LAMA2: variants seen among roughly 807,000 people sequenced by gnomAD.
The protein encoded by LAMA2 is laminin subunit alpha-2.
LAMA2 carries 269 observed loss-of-function variants against 364.8 expected under a neutral mutation model. That is an observed-to-expected ratio of 0.74 (90% CI 0.67 to 0.82). The LOEUF (loss-of-function observed/expected upper bound fraction) is 0.82. Among genes scored for constraint, LAMA2 ranks in the 40% least tolerant of loss-of-function variants. The probability of loss-of-function intolerance (pLI) is 0.00; values close to 1 mark genes in which losing one functional copy is unlikely to be tolerated. For missense variants in LAMA2, 3,807 were observed against 3,873.2 expected, an observed-to-expected ratio of 0.98 and a Z score of 0.45; for synonymous variants, 1,379 against 1,370.6, an observed-to-expected ratio of 1.01 and a Z score of -0.14.
At chr6:129,356,596 C>A (rs1414449598) in intron 32 of LAMA2, among the ~76,000 whole-genome samples, 5 of 152,036 alleles carry the variant, frequency 3.3e-5, no homozygotes, top group Admixed American at 2.6e-4. Flanking sequence ...TCTTACAAAT[C>A]TTATTTTCTT....
At chr6:129,340,336 T>C (rs1401255176) in intron 29 of LAMA2, among the ~76,000 whole-genome samples, 1 of 151,860 alleles carries the variant, frequency 6.6e-6, no homozygotes, top group Non-Finnish European at 1.5e-5. Flanking sequence ...CAATTTCAAA[T>C]ATTAATGAGA....
chr6:128,973,535 A>G (rs1442607092), intron 1 of LAMA2, among the ~76,000 whole-genome samples: 2 of 152,200 alleles, frequency 1.3e-5, no homozygotes, highest in East Asian at 1.9e-4. Flanking sequence ...TTGAAACTAT[A>G]ACAGTATTTT....
rs754399459 is a variant in LAMA2 at position 128,883,354 on chromosome 6, A to G, written c.109A>G (p.Arg37Gly). 1 of 1,595,196 alleles carries G rather than the reference A, an allele frequency of 6.3e-7. No individual in the cohort carries two copies. Among genetic ancestry groups the G allele is most frequent in the South Asian group, 1.1e-5 (1 of 87,986 alleles). ...GCGGCAGTCACAGGCACATCAGCAA[A>G]GAGGTACAGTCGAGGCATGGGCTTG... is the stretch of plus-strand genomic sequence containing the variant. ...QQRQSQAHQQ[R>G]GLFPAVLNLA... The change falls in exon 1 of 65, where the codon AGA becomes GGA. Residue 37 changes from arginine to glycine, a missense_variant. By Grantham distance (125) the Arg-to-Gly change is moderately radical. Coordinates refer to ENST00000421865, the MANE Select transcript of LAMA2 (RefSeq NM_000426.4).
chr6:128,883,840 A>G (rs1313810621), intron 1 of LAMA2, among the ~76,000 whole-genome samples: 1 of 136,866 alleles, frequency 7.3e-6, no homozygotes, highest in East Asian at 1.9e-4. Context: ...ACACACATAT[A>G]TATATATATA....
At chr6:129,293,103 A>ATGT (rs891229495) in intron 20 of LAMA2, 13 of 984,830 alleles carry the variant, frequency 1.3e-5, no homozygotes, top group Non-Finnish European at 1.4e-5. Flanking sequence ...ATGCCTCTGC[A>ATGT]TGTTGTGTTC....
intron 13 of LAMA2, 92 bp from the exon 14 acceptor site, chr6:129,251,992 G>C (rs1786287147): frequency 5.2e-6 from 4 of 768,674 alleles, no homozygotes; most frequent in Non-Finnish European, 8.9e-6. Context: ...AAAGTCTATT[G>C]AGGGTGGAGG....
intron 1 of LAMA2, among the ~76,000 whole-genome samples, chr6:128,910,229 T>C (rs1377365134): frequency 1.3e-5 from 2 of 152,270 alleles, no homozygotes; most frequent in African/African-American, 4.8e-5. Flanking sequence ...TCCTGCAGAG[T>C]GTTTTCCAAC....
intron 58 of LAMA2, 119 bp from the exon 59 acceptor site, chr6:129,502,540 T>C (rs747825068): frequency 1.4e-6 from 1 of 727,814 alleles, no homozygotes; most frequent in Non-Finnish European, 2.5e-6. Context: ...CAGAGATGAA[T>C]AATGTAGTTT....
chr6:129,012,845 T>A (rs1235296813), intron 1 of LAMA2, among the ~76,000 whole-genome samples: 1 of 152,202 alleles, frequency 6.6e-6, no homozygotes, highest in Non-Finnish European at 1.5e-5. Context: ...TTGCAATAAG[T>A]GACACATACA....
At position 129,158,098 on chromosome 6, in the gene LAMA2, G is replaced by A. The variant is rs1779232394; in HGVS notation, c.1206+3415G>A. ...TACGTTTCTGTGTGCAGGTGGCACA[G>A]ACCACAGGCAGCTGAATAAGCCAAT... On this transcript the variant is annotated intron_variant, in intron 8 of 64. Transcript: ENST00000421865. 1.9e-6 allele frequency: 3 copies of A among 1,612,258 alleles called. No individual in the cohort carries two copies. The South Asian group carries it at 3.3e-5, about 18-fold the overall frequency.
At chr6:129,265,659 GA>G (rs899858247) in intron 15 of LAMA2, among the ~76,000 whole-genome samples, 2 of 146,340 alleles carry the variant, frequency 1.4e-5, no homozygotes, top group African/African-American at 5.0e-5. Flanking sequence ...TGTGGGGGTT[GA>G]AAAATGAGAA....
At chr6:129,057,386 C>T (rs1788558671) in intron 2 of LAMA2, among the ~76,000 whole-genome samples, 1 of 152,010 alleles carries the variant, frequency 6.6e-6, no homozygotes, top group South Asian at 2.1e-4. Flanking sequence ...AAATAATTGT[C>T]CTCCATTTTG....
chr6:129,081,526 A>T (rs2114840053), intron 3 of LAMA2, among the ~76,000 whole-genome samples: 1 of 152,348 alleles, frequency 6.6e-6, no homozygotes, highest in African/African-American at 2.4e-5. Context: ...TTAAGAAATC[A>T]TTCAGAAATT....
chr6:128,974,169 G>A (rs2114623365), intron 1 of LAMA2, among the ~76,000 whole-genome samples: 1 of 152,276 alleles, frequency 6.6e-6, no homozygotes, highest in Admixed American at 6.5e-5. Context: ...TTTATGTCCA[G>A]TTAACCAGGT....
chr6:129,157,101 G>A (rs1243727987), intron 8 of LAMA2, among the ~76,000 whole-genome samples: 3 of 152,084 alleles, frequency 2.0e-5, no homozygotes, highest in Admixed American at 6.5e-5. Flanking sequence ...GAATACAAAC[G>A]AACTGAATGT....
At chr6:129,164,919 A>G (rs763125533) in intron 8 of LAMA2, among the ~76,000 whole-genome samples, 2 of 152,236 alleles carry the variant, frequency 1.3e-5, no homozygotes, top group African/African-American at 2.4e-5. Flanking sequence ...CATTTAATTT[A>G]TATGTGTATA....
chr6:129,473,098 G>A (rs1439655005), intron 51 of LAMA2, 116 bp from the exon 52 acceptor site: 1 of 729,954 alleles, frequency 1.4e-6, no homozygotes, highest in Non-Finnish European at 2.3e-6. Flanking sequence ...GCAAGTGCTT[G>A]AGAAAGTCAA....
chr6:128,983,823 A>G (rs114077952), intron 1 of LAMA2, among the ~76,000 whole-genome samples: 111 of 152,298 alleles, frequency 7.3e-4, no homozygotes, highest in African/African-American at 2.5e-3. Context: ...AAGAAATGGT[A>G]ATGGCCTGAA....
chr6:129,137,404 G>A (rs904411914), intron 4 of LAMA2, among the ~76,000 whole-genome samples: 1 of 151,966 alleles, frequency 6.6e-6, no homozygotes, highest in Non-Finnish European at 1.5e-5. Flanking sequence ...TTTTCTTTTT[G>A]TGATAAAAAT....
Sources: allele counts gnomAD v4.1 joint callset (sites outside exome capture counted in the v4.1 genomes callset), GRCh38; gene constraint gnomAD v4.1.1; transcripts MANE v1.5; gene names NCBI Gene and HGNC (gene_info 2026-07-23, HGNC 2026-07-21).